TRIT1: variants seen among roughly 807,000 people sequenced by gnomAD.
TRIT1 encodes the protein tRNA isopentenyltransferase 1, also known as tRNA dimethylallyltransferase.
Under a neutral mutation model 51.2 loss-of-function variants are expected in TRIT1, and 43 were observed. The ratio of observed to expected loss-of-function variants is 0.84; its 90% CI spans 0.66 to 1.08. TRIT1 has a LOEUF of 1.08. Ranked by LOEUF, TRIT1 falls within the 50% of genes least tolerant of loss-of-function variation. The probability of loss-of-function intolerance (pLI) is 0.00; values close to 1 mark genes in which losing one functional copy is unlikely to be tolerated. For synonymous variants in TRIT1, 184 were observed against 203.9 expected, an observed-to-expected ratio of 0.90 and a Z score of 0.83; for missense variants, 528 against 578.4, an observed-to-expected ratio of 0.91 and a Z score of 0.89.
chr1:39,857,668 G>A (rs1642979404), intron 1 of TRIT1, among the ~76,000 whole-genome samples: 1 of 152,312 alleles, frequency 6.6e-6, no homozygotes, highest in South Asian at 2.1e-4. Context: ...AGAAGGATAT[G>A]TAAATACATG....
intron 1 of TRIT1, chr1:39,881,682 T>C (rs1224377991): frequency 6.6e-6 from 1 of 152,226 alleles, no homozygotes. Flanking sequence ...ACCAGCTTCA[T>C]GTTCTTTCCT....
Position 39,840,988 on chromosome 1 carries a change from A to C in TRIT1, c.*756T>G, listed in dbSNP as rs868268786. ...TTTGAGAAAAAGCTATCACATTGAT[A>C]ACAGAGCATACTGTGTATAAACTAG... On this transcript the variant is annotated 3_prime_UTR_variant, in exon 11 of 11. Coordinates refer to ENST00000316891, the MANE Select transcript of TRIT1 (RefSeq NM_017646.6). The C allele has an allele frequency of 2.6e-5, 4 of 152,376 alleles. No individual in the cohort carries two copies. Among genetic ancestry groups the C allele is most frequent in the Middle Eastern group, 3.4e-3 (1 of 294 alleles). 9.4% of individuals were successfully genotyped at this position (152,376 alleles called of 1,614,324 possible). A position where few individuals can be genotyped will look rare whatever the true frequency, so the allele number is the denominator to read the frequency against.
chr1:39,879,142 G>A (rs1557589131), intron 1 of TRIT1, among the ~76,000 whole-genome samples: 2 of 152,182 alleles, frequency 1.3e-5, no homozygotes, highest in South Asian at 2.1e-4. Flanking sequence ...GGTGGCACAC[G>A]CTTATAGTCC....
At chr1:39,863,534 C>A (rs1433476584) in intron 1 of TRIT1, among the ~76,000 whole-genome samples, 1 of 152,006 alleles carries the variant, frequency 6.6e-6, no homozygotes, top group African/African-American at 2.4e-5. Context: ...ATACATGATA[C>A]AAGAGTGTAT....
At chr1:39,870,668 C>T (rs369323631) in intron 1 of TRIT1, among the ~76,000 whole-genome samples, 33 of 147,666 alleles carry the variant, frequency 2.2e-4, no homozygotes, top group African/African-American at 7.4e-4. Flanking sequence ...TATAGAGATA[C>T]AGAAGAACAC....
At chr1:39,866,961 A>C (rs1643591767) in intron 1 of TRIT1, among the ~76,000 whole-genome samples, 1 of 152,234 alleles carries the variant, frequency 6.6e-6, no homozygotes, top group African/African-American at 2.4e-5. Context: ...ACTGCACTCC[A>C]GCCTGAAGTG....
At position 39,876,528 on chromosome 1, in the gene TRIT1, GTATCTATC is replaced by G. The variant is rs1553147778; in HGVS notation, c.174+6782_174+6789del. ...ACCTAGAAACTCATTATTTATATGTGTATCTATCTATCTATCTATCTATCTATCTATAT... is the reference window on the plus strand; with the variant it reads ...ACCTAGAAACTCATTATTTATATGTGTATCTATCTATCTATCTATCTATAT... On this transcript the variant is annotated intron_variant, in intron 1 of 10. Transcript: ENST00000316891. 1.5e-3 allele frequency among the ~76,000 whole-genome samples: 193 copies of G among 127,662 alleles called. 1 individual carries two copies. The highest frequency in any genetic ancestry group is 0.011 in the Middle Eastern group (3 of 276). 83.8% of individuals were successfully genotyped at this position (127,662 alleles called of 152,430 possible).
At chr1:39,859,494 G>A (rs1270711987) in intron 1 of TRIT1, among the ~76,000 whole-genome samples, 1 of 150,448 alleles carries the variant, frequency 6.6e-6, no homozygotes, top group Non-Finnish European at 1.5e-5. Flanking sequence ...TGAGGTGGGA[G>A]GATCCTTGTG....
intron 3 of TRIT1, 123 bp downstream of exon 3, chr1:39,853,847 A>G: frequency 1.5e-6 from 1 of 664,062 alleles, no homozygotes; most frequent in Non-Finnish European, 2.5e-6. Context: ...GAGAATATTA[A>G]GTAGGAAAAT....
At position 39,853,994 on chromosome 1, in the gene TRIT1, G is replaced by C. The variant is rs774450983; in HGVS notation, c.390C>G (p.Leu130=). Residue 130 remains leucine (L), a synonymous_variant, in exon 3 of 11, where the codon CTC becomes CTG. Coordinates refer to ENST00000316891, the MANE Select transcript of TRIT1 (RefSeq NM_017646.6). Reference sequence around the variant, plus strand: ...CCTTGGTATTGACAAGAACTTTCCAGAGCAGAGATTCAATGTAATAATTGG... The same window carrying C: ...CCTTGGTATTGACAAGAACTTTCCACAGCAGAGATTCAATGTAATAATTGG... ...GGTNYYIESL[L]WKVLVNTKPQ... 1 of 1,613,392 alleles carries C rather than the reference G, an allele frequency of 6.2e-7. No homozygotes were observed. Among genetic ancestry groups the C allele is most frequent in the Admixed American group, 1.7e-5 (1 of 59,896 alleles).
intron 9 of TRIT1, 43 bp downstream of exon 9, chr1:39,844,488 C>T (rs1247993410): frequency 1.3e-6 from 2 of 1,495,456 alleles, no homozygotes; most frequent in East Asian, 2.3e-5. Flanking sequence ...AATGAAAGTG[C>T]TCTGAAAACC....
At chr1:39,856,065 G>C (rs1642879930) in intron 2 of TRIT1, among the ~76,000 whole-genome samples, 1 of 152,108 alleles carries the variant, frequency 6.6e-6, no homozygotes, top group Non-Finnish European at 1.5e-5. Context: ...CCAGCACTTT[G>C]GAAGGCCGAG....
intron 1 of TRIT1, among the ~76,000 whole-genome samples, chr1:39,871,415 AC>A (rs1335467991): frequency 6.6e-6 from 1 of 152,140 alleles, no homozygotes; most frequent in Non-Finnish European, 1.5e-5. Context: ...AACCGTCTCT[AC>A]AAAAAATACA....
Position 39,857,341 on chromosome 1 carries a change from C to T in TRIT1, c.251G>A (p.Ser84Asn). The T allele has an allele frequency of 1.2e-6, 2 of 1,614,146 alleles. No individual in the cohort carries two copies. The highest frequency in any genetic ancestry group is 4.5e-5 in the East Asian group (2 of 44,884). The change falls in exon 2 of 11, where the codon AGC (serine) becomes AAC (asparagine). Residue 84 changes from serine (S) to asparagine (N), a missense_variant. By Grantham distance (46) the Ser-to-Asn change is conservative. Transcript: ENST00000316891. ...EQRICRHHMI[S>N]FVDPLVTNYT... ...ATTGGTCACAAGAGGATCCACAAAG[C>T]TGATCATGTGGTGCCGGCAGATTCT...
intron 2 of TRIT1, among the ~76,000 whole-genome samples, chr1:39,856,523 T>C (rs1642913106): frequency 6.6e-6 from 1 of 151,694 alleles, no homozygotes; most frequent in African/African-American, 2.4e-5. Context: ...CGTACCTCCA[T>C]TTGAATCTAT....
intron 9 of TRIT1, 79 bp downstream of exon 9, chr1:39,844,452 T>A: frequency 1.7e-6 from 2 of 1,187,086 alleles, no homozygotes; most frequent in Non-Finnish European, 2.5e-6. Flanking sequence ...GCCTGGTTCT[T>A]CAATATAGCA....
intron 3 of TRIT1, 122 bp from the exon 4 acceptor site, chr1:39,852,998 G>C: frequency 8.8e-7 from 1 of 1,132,584 alleles, no homozygotes; most frequent in South Asian, 1.6e-5. Flanking sequence ...TATAGTGAGA[G>C]ATCATAAACA....
chr1:39,852,974 A>G, intron 3 of TRIT1, 98 bp from the exon 4 acceptor site: 1 of 1,349,602 alleles, frequency 7.4e-7, no homozygotes, highest in Non-Finnish European at 1.0e-6. Flanking sequence ...CAGAATAATC[A>G]GAAGATCTTG....
intron 1 of TRIT1, among the ~76,000 whole-genome samples, chr1:39,864,822 C>T (rs1643445794): frequency 6.6e-6 from 1 of 152,056 alleles, no homozygotes; most frequent in Non-Finnish European, 1.5e-5. Flanking sequence ...TGGGCAGATC[C>T]CAGAGCTCTG....
Sources: allele counts gnomAD v4.1 joint callset (sites outside exome capture counted in the v4.1 genomes callset), GRCh38; gene constraint gnomAD v4.1.1; transcripts MANE v1.5; gene names NCBI Gene and HGNC (gene_info 2026-07-23, HGNC 2026-07-21).